Variants in SALL4 observed in about 807,000 individuals in gnomAD.
SALL4 encodes spalt like transcription factor 4, also known as sal-like protein 4.
Under a neutral mutation model 60.8 loss-of-function variants are expected in SALL4, and 4 were observed. The observed-to-expected ratio is 0.07, with a 90% CI of 0.03 to 0.15. The LOEUF is 0.15. Among genes scored for constraint, SALL4 ranks in the 10% least tolerant of loss-of-function variants. The pLI is 1.00. For synonymous variants in SALL4, 580 were observed against 574.9 expected, an observed-to-expected ratio of 1.01 and a Z score of -0.13; for missense variants, 1,178 against 1,394.7, an observed-to-expected ratio of 0.84 and a Z score of 2.48.
chr20:51,790,229 C>A lies in SALL4; in HGVS notation c.2254G>T (p.Gly752Cys). The change falls in exon 2 of 4, where the codon GGT becomes TGT. Residue 752 changes from glycine to cysteine, a missense_variant. By Grantham distance (159) the Gly-to-Cys change is radical. Transcript: ENST00000217086. This position sits in a 1 kb window ranked among gnomAD's most constrained non-coding sequence, Gnocchi z 5.5. ...GTCAAGCCATCGCTCTCCACGGAAC[C>A]GTTTTCTCTGCTGCCCTGGCGCTGC... ...NLQRQGSREN[G>C]SVESDGLTND... is the part of the protein sequence containing the mutation. 6.2e-7 allele frequency: 1 copy of A among 1,614,136 alleles called. No individual in the cohort carries two copies. Among genetic ancestry groups the A allele is most frequent in the Non-Finnish European group, 8.5e-7 (1 of 1,180,042 alleles).
Position 51,791,098 on chromosome 20 carries a change from G to C in SALL4, c.1385C>G (p.Pro462Arg). Reference protein sequence around the residue: ...GNGIPYALSVPDPIDEPSLSL... With the variant: ...GNGIPYALSVRDPIDEPSLSL... The stretch of plus-strand genomic sequence containing the variant: ...AAGACTCGGTTCATCTATGGGGTCA[G>C]GTACAGAGAGTGCATAGGGGATGCC... Residue 462 changes from proline to arginine, a missense_variant, in exon 2 of 4, where the codon CCT (proline) becomes CGT (arginine). Physicochemically the swap from Pro to Arg is moderately radical, Grantham distance 103 (BLOSUM62 -2). Coordinates refer to ENST00000217086, the MANE Select transcript of SALL4 (RefSeq NM_020436.5). This position sits in a 1 kb window ranked among gnomAD's most constrained non-coding sequence, Gnocchi z 4.6. 3 of 1,614,194 alleles carry C rather than the reference G, an allele frequency of 1.9e-6. No individual in the cohort carries two copies. The highest frequency in any genetic ancestry group is 2.5e-6 in the Non-Finnish European group (3 of 1,180,034).
In SALL4 at chr20:51,790,640, C is replaced by A. The variant is rs917006013; in HGVS notation, c.1843G>T (p.Val615Phe). ...TTAATGGATGTGTTGGTTCGGTGAA[C>A]CCCAAGGTGTGTCTTCAGGTTACCT... ...TKGNLKTHLG[V>F]HRTNTSIKTQ... Residue 615 changes from valine (V) to phenylalanine (F), a missense_variant, in exon 2 of 4, where the codon GTT becomes TTT. Coordinates refer to ENST00000217086, the MANE Select transcript of SALL4 (RefSeq NM_020436.5). This position sits in a 1 kb window ranked among gnomAD's most constrained non-coding sequence, Gnocchi z 5.5. 2 of 1,614,004 alleles carry A rather than the reference C, an allele frequency of 1.2e-6. No homozygotes were observed. Among genetic ancestry groups the A allele is most frequent in the Non-Finnish European group, 1.7e-6 (2 of 1,180,040 alleles).
At chr20:51,794,178 G>C (rs566329604) in intron 1 of SALL4, among the ~76,000 whole-genome samples, 171 of 152,334 alleles carry the variant, frequency 1.1e-3, no homozygotes, top group African/African-American at 3.8e-3. Flanking sequence ...TGCAAAGCAG[G>C]GGTTGGGGAC....
chr20:51,793,306 C>G lies in SALL4; in HGVS notation c.131-954G>C, dbSNP rs1045810192. Among the ~76,000 whole-genome samples the G allele has an allele frequency of 5.9e-5, 9 of 151,676 alleles. No individual in the cohort carries two copies. The East Asian group carries it at 1.4e-3, about 23-fold the overall frequency. On this transcript the variant is annotated intron_variant, in intron 1 of 3. Transcript: ENST00000217086. Reference sequence around the variant, plus strand: ...GTTTGAAACCAGCAACACAGTGACACCCCGTCTCTATAAAAAAAATAAGAA... The same window carrying G: ...GTTTGAAACCAGCAACACAGTGACAGCCCGTCTCTATAAAAAAAATAAGAA...
At chr20:51,793,273 G>T (rs2122968864) in intron 1 of SALL4, among the ~76,000 whole-genome samples, 1 of 152,184 alleles carries the variant, frequency 6.6e-6, no homozygotes, top group East Asian at 1.9e-4. Context: ...ACTTTTGAGA[G>T]GCCGGGAGTT....
Position 51,791,526 on chromosome 20 carries a change from C to A in SALL4, c.957G>T (p.Gly319=). The A allele has an allele frequency of 6.2e-7, 1 of 1,613,914 alleles. No individual in the cohort carries two copies. Among genetic ancestry groups the A allele is most frequent in the Non-Finnish European group, 8.5e-7 (1 of 1,180,024 alleles). Reference sequence around the variant, plus strand: ...ACATGACGTTCGGGAGCACCCGGGTCCCATCCGGCTTCAGAGTGAAGGGTG... The same window carrying A: ...ACATGACGTTCGGGAGCACCCGGGTACCATCCGGCTTCAGAGTGAAGGGTG... ...GLAPFTLKPD[G]TRVLPNVMSR... The change falls in exon 2 of 4, where the codon GGG becomes GGT. Residue 319 remains glycine, a synonymous_variant. Transcript: ENST00000217086. The surrounding 1 kb of genome is among the most constrained non-coding windows in gnomAD (Gnocchi z 4.6).
At chr20:51,784,801 T>C (rs1601162657) in intron 3 of SALL4, 117 bp from the exon 4 acceptor site, 5 of 1,192,106 alleles carry the variant, frequency 4.2e-6, no homozygotes, top group East Asian at 4.7e-5. Context: ...ATATAGATGA[T>C]CCTTGACTTA....
In SALL4 at chr20:51,788,389, G is replaced by A. The variant is rs2078007786; in HGVS notation, c.2742+472C>T. Among the ~76,000 whole-genome samples the A allele has an allele frequency of 6.6e-6, 1 of 151,402 alleles. No individual in the cohort carries two copies. On this transcript the variant is annotated intron_variant, in intron 3 of 3. Transcript: ENST00000217086. This position sits in a 1 kb window ranked among gnomAD's most constrained non-coding sequence, Gnocchi z 4.1. ...CGTTGTCTCCCTATGTTGCCAGGCT[G>A]GTCTCAAACTCCTGGACTCAGCTGG...
rs761103187 is a variant in SALL4 at position 51,791,508 on chromosome 20, G to A, written c.975C>T (p.Asn325=). The A allele has an allele frequency of 4.3e-6, 7 of 1,613,918 alleles. No homozygotes were observed. Among genetic ancestry groups the A allele is most frequent in the Non-Finnish European group, 5.9e-6 (7 of 1,180,030 alleles). ...AAGCGCTCGGGAGGCGGGACATGAC[G>A]TTCGGGAGCACCCGGGTCCCATCCG... ...LKPDGTRVLP[N]VMSRLPSALL... is the part of the protein sequence containing the mutation. The change falls in exon 2 of 4, where the codon AAC becomes AAT. Residue 325 remains asparagine, a synonymous_variant. Coordinates refer to ENST00000217086, the MANE Select transcript of SALL4 (RefSeq NM_020436.5). This position sits in a 1 kb window ranked among gnomAD's most constrained non-coding sequence, Gnocchi z 4.6.
Position 51,790,119 on chromosome 20 carries a change from G to A in SALL4, c.2364C>T (p.Leu788=). 1 of 1,614,204 alleles carries A rather than the reference G, an allele frequency of 6.2e-7. No individual in the cohort carries two copies. The highest frequency in any genetic ancestry group is 8.5e-7 in the Non-Finnish European group (1 of 1,180,048). Residue 788 remains leucine, a synonymous_variant, in exon 2 of 4, where the codon CTC becomes CTT. Coordinates refer to ENST00000217086, the MANE Select transcript of SALL4 (RefSeq NM_020436.5). The surrounding 1 kb of genome is among the most constrained non-coding windows in gnomAD (Gnocchi z 5.5). ...DILETTSFQA[L]SPANSQAESI... ...TTTCGGCTTGACTATTGGCCGGGGAGAGTGCCTGGAAGGATGTGGTTTCCA... is the reference window on the plus strand; with the variant it reads ...TTTCGGCTTGACTATTGGCCGGGGAAAGTGCCTGGAAGGATGTGGTTTCCA...
rs2078009050 is a variant in SALL4, at chr20:51,788,537, A to T, written c.2742+324T>A. ...AACCCCACCTCTACTAAAAATACAA[A>T]AAAATTAGCCGGCCATGGTGGCGGA... On this transcript the variant is annotated intron_variant, in intron 3 of 3. Transcript: ENST00000217086. The surrounding 1 kb of genome is among the most constrained non-coding windows in gnomAD (Gnocchi z 4.1). Among the ~76,000 whole-genome samples the T allele has an allele frequency of 6.6e-6, 1 of 151,944 alleles. No homozygotes were observed. The highest frequency in any genetic ancestry group is 2.1e-4 in the South Asian group (1 of 4,814).
At chr20:51,802,198 T>A in intron 1 of SALL4, 81 bp downstream of exon 1, 1 of 1,478,518 alleles carries the variant, frequency 6.8e-7, no homozygotes, top group Non-Finnish European at 8.9e-7. Context: ...CGCCGCCCGC[T>A]CCCCGAAGCC....
Position 51,784,330 on chromosome 20 carries a change from T to C in SALL4, c.3097A>G (p.Thr1033Ala), listed in dbSNP as rs943513953. The C allele has an allele frequency of 3.7e-6, 6 of 1,614,086 alleles. No individual in the cohort carries two copies. The African/African-American group carries it at 5.3e-5, about 14-fold the overall frequency. ...AACTGGTGTTTGGGAACGCCGTCAG[T>C]AGCACTTGGTTTTTCCACATCTGCA... ...ISADVEKPSATDGVPKHQFPH... is the reference protein window; with the variant it reads ...ISADVEKPSAADGVPKHQFPH... Residue 1033 changes from threonine (T) to alanine (A), a missense_variant, in exon 4 of 4, where the codon ACT (threonine) becomes GCT (alanine). Physicochemically the swap from Thr to Ala is moderately conservative, Grantham distance 58. Transcript: ENST00000217086.
intron 1 of SALL4, among the ~76,000 whole-genome samples, chr20:51,798,653 T>A (rs182822818): frequency 2.2e-4 from 34 of 151,982 alleles, no homozygotes; most frequent in Admixed American, 2.0e-3. Context: ...CCGACCAAAC[T>A]CCAACATTGT....
At chr20:51,794,414 G>A (rs893993983) in intron 1 of SALL4, among the ~76,000 whole-genome samples, 20 of 152,284 alleles carry the variant, frequency 1.3e-4, no homozygotes, top group Non-Finnish European at 2.1e-4. Context: ...TTAGCCCAGC[G>A]TGGTGGCGCA....
At chr20:51,792,933 G>A (rs2078058312) in intron 1 of SALL4, 2 of 995,442 alleles carry the variant, frequency 2.0e-6, no homozygotes, top group Middle Eastern at 5.2e-4. Context: ...GGAGCTTGGG[G>A]CCACAGGACA....
chr20:51,786,564 C>G (rs1049717338), intron 3 of SALL4, among the ~76,000 whole-genome samples: 1 of 152,280 alleles, frequency 6.6e-6, no homozygotes, highest in South Asian at 2.1e-4. Flanking sequence ...CACAAACCTA[C>G]GCAGGTAATA....
At position 51,802,128 on chromosome 20, in the gene SALL4, AGGAGACCTCTCCTCCCG is replaced by A. The variant is rs890394574; in HGVS notation, c.130+134_130+150del. ...CAAAAGGCGGGGTGGTGGGGAGAGGAGGAGACCTCTCCTCCCGGGCACTGAGCCCCCAAATCTCGGCT... is the reference window on the plus strand; with the variant it reads ...CAAAAGGCGGGGTGGTGGGGAGAGGAGGCACTGAGCCCCCAAATCTCGGCT... On this transcript the variant is annotated intron_variant, in intron 1 of 3. Transcript: ENST00000217086. 1.6e-5 allele frequency: 14 copies of A among 866,274 alleles called. No individual in the cohort carries two copies. In the African/African-American group the frequency reaches 2.1e-4, roughly 13 times the overall value. 53.7% of individuals were successfully genotyped at this position (866,274 alleles called of 1,614,324 possible). A position where few individuals can be genotyped will look rare whatever the true frequency, so the allele number is the denominator to read the frequency against.
At chr20:51,789,985 C>T in intron 2 of SALL4, 37 bp downstream of exon 2, 1 of 1,613,546 alleles carries the variant, frequency 6.2e-7, no homozygotes, top group Non-Finnish European at 8.5e-7. Context: ...GACCTTGAGC[C>T]CAAAATGGAC....
Sources: allele counts gnomAD v4.1 joint callset (sites outside exome capture counted in the v4.1 genomes callset), GRCh38; gene constraint gnomAD v4.1.1; non-coding constraint Gnocchi (gnomAD v3.1); transcripts MANE v1.5; gene names NCBI Gene and HGNC (gene_info 2026-07-23, HGNC 2026-07-21).